The following SNX3 variants were observed in gnomAD, a reference collection of about 807,000 sequenced individuals.
The protein encoded by SNX3 is sorting nexin-3.
Under a neutral mutation model 17.7 loss-of-function variants are expected in SNX3, and 5 were observed. The observed-to-expected ratio is 0.28, with a 90% CI of 0.15 to 0.59. The LOEUF is 0.59. Among genes scored for constraint, SNX3 ranks in the 20% least tolerant of loss-of-function variants. SNX3 has a pLI of 0.88. For missense variants in SNX3, 132 were observed against 206.8 expected, an observed-to-expected ratio of 0.64 and a Z score of 2.22; for synonymous variants, 91 against 76.5, an observed-to-expected ratio of 1.19 and a Z score of -0.99.
At chr6:108,249,397 G>A (rs545154300) in intron 1 of SNX3, among the ~76,000 whole-genome samples, 289 of 152,212 alleles carry the variant, frequency 1.9e-3, no homozygotes, top group African/African-American at 6.7e-3. Flanking sequence ...ACTCCAGCCT[G>A]GCAACAGAGC....
At chr6:108,225,613 C>G (rs759100311) in intron 1 of SNX3, among the ~76,000 whole-genome samples, 5 of 152,052 alleles carry the variant, frequency 3.3e-5, no homozygotes, top group Non-Finnish European at 7.4e-5. Context: ...GCCTGAGCGA[C>G]AGAGTGAGAC....
intron 1 of SNX3, among the ~76,000 whole-genome samples, chr6:108,228,691 C>T (rs983058393): frequency 4.0e-5 from 6 of 151,588 alleles, no homozygotes; most frequent in Admixed American, 3.3e-4. Flanking sequence ...CAGAGGGAGA[C>T]GGTCTCAAAA....
rs1774406023 is a variant in SNX3 at position 108,211,580 on chromosome 6, T to C, written c.*569A>G. 6.6e-6 allele frequency: 1 copy of C among 152,662 alleles called. No individual in the cohort carries two copies. Among genetic ancestry groups the C allele is most frequent in the Non-Finnish European group, 1.5e-5 (1 of 68,042 alleles). The allele number at this position is 152,662 out of a possible 1,614,324, so 9.5% of individuals were successfully genotyped here. On this transcript the variant is annotated 3_prime_UTR_variant, in exon 4 of 4. Coordinates refer to ENST00000230085, the MANE Select transcript of SNX3 (RefSeq NM_003795.6). ...TAAATTTTTAGACAAATGATTTTAG[T>C]ATATAAATTTGCTTTTGTTTTTATA...
At chr6:108,247,891 A>G (rs1241133191) in intron 1 of SNX3, among the ~76,000 whole-genome samples, 2 of 152,056 alleles carry the variant, frequency 1.3e-5, no homozygotes, top group Non-Finnish European at 2.9e-5. Context: ...TGAGCTCAGG[A>G]GTTCAAAACC....
chr6:108,214,872 C>T (rs1367933571), intron 2 of SNX3, among the ~76,000 whole-genome samples: 4 of 152,210 alleles, frequency 2.6e-5, no homozygotes, highest in Non-Finnish European at 5.9e-5. Flanking sequence ...TTGGCCTTAT[C>T]AAAGCCCAGG....
intron 1 of SNX3, among the ~76,000 whole-genome samples, chr6:108,248,011 G>A (rs778402193): frequency 5.3e-5 from 8 of 151,960 alleles, no homozygotes; most frequent in Admixed American, 1.3e-4. Context: ...AATAAAAATC[G>A]AGAAAAATGT....
intron 1 of SNX3, among the ~76,000 whole-genome samples, chr6:108,232,580 T>C (rs1468328594): frequency 6.6e-6 from 1 of 152,178 alleles, no homozygotes; most frequent in Non-Finnish European, 1.5e-5. Context: ...TAACAATAGA[T>C]ATTAGAAAAA....
At chr6:108,219,585 T>C (rs148796899) in intron 2 of SNX3, among the ~76,000 whole-genome samples, 31 of 152,364 alleles carry the variant, frequency 2.0e-4, no homozygotes, top group African/African-American at 7.0e-4. Flanking sequence ...CATTTCAGCC[T>C]GGGCAACAGA....
intron 1 of SNX3, among the ~76,000 whole-genome samples, chr6:108,223,491 C>T (rs1258824942): frequency 6.1e-5 from 8 of 130,586 alleles, no homozygotes; most frequent in African/African-American, 2.6e-4. Context: ...TAAAACTTTG[C>T]TAGTTCTTTT....
Position 108,259,608 on chromosome 6 carries a change from G to A in SNX3, c.162+1152C>T, listed in dbSNP as rs141360288. Reference sequence around the variant, plus strand: ...TAAACTATTCGTTTCATATCTTAAAGTTTGATTAACTTTTTAAAATCAATG... The same window carrying A: ...TAAACTATTCGTTTCATATCTTAAAATTTGATTAACTTTTTAAAATCAATG... On this transcript the variant is annotated intron_variant, in intron 1 of 3. Coordinates refer to ENST00000230085, the MANE Select transcript of SNX3 (RefSeq NM_003795.6). Among the ~76,000 whole-genome samples the A allele has an allele frequency of 1.1e-4, 16 of 152,290 alleles. No homozygotes were observed. The East Asian group carries it at 2.7e-3, about 26-fold the overall frequency.
intron 1 of SNX3, among the ~76,000 whole-genome samples, chr6:108,243,350 C>T (rs1775579766): frequency 6.6e-6 from 1 of 151,964 alleles, no homozygotes. Flanking sequence ...GACTATCCTT[C>T]AAAAATAAAA....
intron 1 of SNX3, among the ~76,000 whole-genome samples, chr6:108,240,628 TGGAGG>T (rs1434400600): frequency 6.6e-6 from 1 of 152,184 alleles, no homozygotes; most frequent in African/African-American, 2.4e-5. Flanking sequence ...CCATCACTGC[TGGAGG>T]GGGGCCACTG....
intron 1 of SNX3, among the ~76,000 whole-genome samples, chr6:108,240,479 A>C (rs542030484): frequency 6.6e-6 from 1 of 152,178 alleles, no homozygotes; most frequent in Non-Finnish European, 1.5e-5. Flanking sequence ...CTGGCCTCCC[A>C]AAGTGTTGGG....
chr6:108,226,499 T>C (rs1417035525), intron 1 of SNX3, among the ~76,000 whole-genome samples: 7 of 152,248 alleles, frequency 4.6e-5, no homozygotes. Flanking sequence ...TAGATTATAT[T>C]CTGTCCGTTA....
chr6:108,254,709 C>T (rs1775980977), intron 1 of SNX3, among the ~76,000 whole-genome samples: 1 of 152,128 alleles, frequency 6.6e-6, no homozygotes, highest in Non-Finnish European at 1.5e-5. Context: ...CAAATTTATT[C>T]CTAACAAAGC....
At chr6:108,237,299 C>T (rs189948061) in intron 1 of SNX3, among the ~76,000 whole-genome samples, 1 of 152,316 alleles carries the variant, frequency 6.6e-6, no homozygotes, top group Admixed American at 6.5e-5. Flanking sequence ...ACCTTCCCCT[C>T]TACTCTGAGT....
At chr6:108,231,382 G>C (rs1324163119) in intron 1 of SNX3, among the ~76,000 whole-genome samples, 2 of 152,200 alleles carry the variant, frequency 1.3e-5, no homozygotes, top group African/African-American at 2.4e-5. Flanking sequence ...ACTGCACTCA[G>C]CCCTCTGGTT....
At chr6:108,216,296 C>G (rs1038113699) in intron 2 of SNX3, among the ~76,000 whole-genome samples, 7 of 152,146 alleles carry the variant, frequency 4.6e-5, no homozygotes, top group African/African-American at 1.7e-4. Context: ...GCCAGGCTGG[C>G]ATTCTTTTCT....
intron 1 of SNX3, among the ~76,000 whole-genome samples, chr6:108,234,998 T>C (rs2114735076): frequency 6.6e-6 from 1 of 152,308 alleles, no homozygotes; most frequent in South Asian, 2.1e-4. Flanking sequence ...AGTCTTCGAG[T>C]TGTCCTCCAG....
Sources: allele counts gnomAD v4.1 joint callset (sites outside exome capture counted in the v4.1 genomes callset), GRCh38; gene constraint gnomAD v4.1.1; transcripts MANE v1.5; gene names NCBI Gene and HGNC (gene_info 2026-07-23, HGNC 2026-07-21).